The following PARP2 variants were observed in gnomAD, a reference collection of about 807,000 sequenced individuals.
PARP2 encodes the protein poly [ADP-ribose] polymerase 2.
Under a neutral mutation model 77.8 loss-of-function variants are expected in PARP2, and 57 were observed. That is an observed-to-expected ratio of 0.73 (90% confidence interval 0.59 to 0.91). The LOEUF is 0.91. Ranked by LOEUF, PARP2 falls within the 40% of genes least tolerant of loss-of-function variation. The pLI, the probability that PARP2 is intolerant of heterozygous loss-of-function variation, is 0.00. For synonymous variants in PARP2, 226 were observed against 242.6 expected (o/e 0.93, Z 0.64); for missense variants, 651 against 689.0 (o/e 0.94, Z 0.62).
chr14:20,351,381 G>A (rs1157326384), intron 6 of PARP2, among the ~76,000 whole-genome samples: 1 of 152,046 alleles, frequency 6.6e-6, no homozygotes, highest in Admixed American at 6.5e-5. Context: ...GTTTCGCCAT[G>A]TTGGCCAGGC....
In PARP2 at chr14:20,355,738, A is replaced by C; in HGVS notation, c.903-14A>C. ...TGTCAGAAAGCTCATTATGGGTTATATCTCTGTTCTTAGACTCCGTACTCC... is the reference window on the plus strand; with the variant it reads ...TGTCAGAAAGCTCATTATGGGTTATCTCTCTGTTCTTAGACTCCGTACTCC... On this transcript the variant is annotated splice_polypyrimidine_tract_variant and intron_variant, in intron 9 of 15. Coordinates refer to ENST00000429687, the MANE Select transcript of PARP2 (RefSeq NM_001042618.2). The C allele has an allele frequency of 1.2e-6, 2 of 1,609,368 alleles. No homozygotes were observed. The highest frequency in any genetic ancestry group is 1.7e-6 in the Non-Finnish European group (2 of 1,175,740).
At chr14:20,347,063 T>G in intron 4 of PARP2, 150 bp downstream of exon 4, 1 of 557,902 alleles carries the variant, frequency 1.8e-6, no homozygotes, top group Admixed American at 3.0e-5. Flanking sequence ...GAGTCTCACT[T>G]CATCTCTCAG....
rs543293493 is a variant in PARP2, at chr14:20,357,161, G to GT, written c.1428+13dup. The stretch of plus-strand genomic sequence containing the variant: ...TGCTCTTATCAGAGGTGAGACAGGA[G>GT]TATGTCTGTGATCTCTAGTTTATTA... On this transcript the variant is annotated intron_variant, in intron 14 of 15. Coordinates refer to ENST00000429687, the MANE Select transcript of PARP2 (RefSeq NM_001042618.2). The GT allele has an allele frequency of 9.2e-6, 12 of 1,308,002 alleles. No individual in the cohort carries two copies. The highest frequency in any genetic ancestry group is 3.7e-4 in the Middle Eastern group (2 of 5,478). The allele number at this position is 1,308,002 out of a possible 1,614,324, so 81.0% of individuals were successfully genotyped here.
At position 20,350,534 on chromosome 14, in the gene PARP2, C is replaced by T; in HGVS notation, c.333C>T (p.Leu111=). 6.3e-7 allele frequency: 1 copy of T among 1,595,924 alleles called. No individual in the cohort carries two copies. The highest frequency in any genetic ancestry group is 1.3e-5 in the African/African-American group (1 of 74,702). Residue 111 remains leucine (L), a synonymous_variant, in exon 5 of 16, where the codon CTC becomes CTT. Transcript: ENST00000429687. The part of the protein sequence containing the change: ...VYDVMLNQTN[L]QFNNNKYYLI... ...GTTTTCACTCAACATAGACCAATCT[C>T]CAGTTCAACAACAACAAGTACTATC... is the stretch of plus-strand genomic sequence containing the variant.
chr14:20,356,744 C>A, intron 13 of PARP2, 55 bp downstream of exon 13: 1 of 1,337,696 alleles, frequency 7.5e-7, no homozygotes, highest in Non-Finnish European at 1.1e-6. Context: ...CAGTAATGTT[C>A]TCAGTGCTTT....
Position 20,345,033 on chromosome 14 carries a change from A to G in PARP2, c.148A>G (p.Met50Val), listed in dbSNP as rs527404505. 1.9e-4 allele frequency: 301 copies of G among 1,614,120 alleles called. 5 individuals are homozygous for G. In the South Asian group the frequency reaches 2.7e-3, roughly 15 times the overall value. ...ATGCCAGAGACAGGAGTCGAAAAAG[A>G]TGCCTGTGGCTGGAGGAAAAGCTAA... ...RRCQRQESKK[M>V]PVAGGKANKD... The change falls in exon 2 of 16, where the codon ATG becomes GTG. Residue 50 changes from methionine to valine, a missense_variant. Met to Val is a conservative substitution (Grantham distance 21). Coordinates refer to ENST00000429687, the MANE Select transcript of PARP2 (RefSeq NM_001042618.2).
Position 20,357,755 on chromosome 14 carries a change from G to T in PARP2, c.1671G>T (p.Arg557=). The part of the protein sequence containing the change: ...IVYNPNQVRM[R]YLLKVQFNFL... ...ATAACCCCAACCAGGTCCGTATGCG[G>T]TACCTTTTAAAGGTTCAGTTTAATT... Residue 557 remains arginine, a synonymous_variant, in exon 16 of 16, where the codon CGG becomes CGT. Transcript: ENST00000429687. 1 of 1,613,738 alleles carries T rather than the reference G, an allele frequency of 6.2e-7. No homozygotes were observed. The highest frequency in any genetic ancestry group is 2.2e-5 in the East Asian group (1 of 44,894).
chr14:20,356,257 C>G, intron 11 of PARP2, 50 bp from the exon 12 acceptor site: 1 of 1,600,074 alleles, frequency 6.2e-7, no homozygotes, highest in Non-Finnish European at 8.5e-7. Context: ...TTCAGTTCAG[C>G]TCAGTCTCTT....
In PARP2 at chr14:20,348,205, TTTC is replaced by T; in HGVS notation, c.324+1295_324+1297del. Among the ~76,000 whole-genome samples the T allele has an allele frequency of 2.0e-5, 3 of 152,242 alleles. No individual in the cohort carries two copies. The South Asian group carries it at 6.2e-4, about 32-fold the overall frequency. On this transcript the variant is annotated intron_variant, in intron 4 of 15. Coordinates refer to ENST00000429687, the MANE Select transcript of PARP2 (RefSeq NM_001042618.2). The stretch of plus-strand genomic sequence containing the variant: ...CACATTTTCTAAAGTTATTGGTCCT[TTTC>T]TTACTGGTTTCGAGGAACTTTATAT...
intron 3 of PARP2, chr14:20,346,551 C>T (rs1883727025): frequency 4.6e-6 from 1 of 218,194 alleles, no homozygotes. Context: ...CCAAGCTGGT[C>T]TCGAATGCCT....
intron 1 of PARP2, among the ~76,000 whole-genome samples, 188 bp from the exon 2 acceptor site, chr14:20,344,744 C>T (rs1402250637): frequency 2.6e-5 from 4 of 152,112 alleles, no homozygotes; most frequent in East Asian, 1.9e-4. Flanking sequence ...ACCCAGGAGG[C>T]GGAGGTTGCA....
rs1555315933 is a variant in PARP2, at chr14:20,343,649, C to CGCGGCGGCGACGGAGCACCG, written c.17_36dup (p.Arg13AspfsTer12). On this transcript the variant is annotated frameshift_variant, in exon 1 of 16. Coordinates refer to ENST00000429687, the MANE Select transcript of PARP2 (RefSeq NM_001042618.2). LOFTEE classifies it high-confidence loss of function. ...CGTCAGCGTTCGAATTCCATGGCGGCGCGGCGGCGACGGAGCACCGGCGGC... is the reference window on the plus strand; with the variant it reads ...CGTCAGCGTTCGAATTCCATGGCGGCGCGGCGGCGACGGAGCACCGGCGGCGGCGACGGAGCACCGGCGGC... 3 of 1,609,998 alleles carry CGCGGCGGCGACGGAGCACCG rather than the reference C, an allele frequency of 1.9e-6. No homozygotes were observed. The highest frequency in any genetic ancestry group is 2.5e-6 in the Non-Finnish European group (3 of 1,178,894).
chr14:20,346,934 G>A (rs746146145), intron 4 of PARP2, 21 bp downstream of exon 4: 2 of 1,524,374 alleles, frequency 1.3e-6, no homozygotes, highest in Non-Finnish European at 1.8e-6. Flanking sequence ...AGAAGAGGTG[G>A]CACCATTATA....
intron 9 of PARP2, 87 bp from the exon 10 acceptor site, chr14:20,355,665 G>C (rs1884117236): frequency 1.0e-6 from 1 of 962,398 alleles, no homozygotes; most frequent in African/African-American, 1.6e-5. Flanking sequence ...GTTTTCTAAA[G>C]GACCTATCTG....
At chr14:20,349,233 T>C (rs1883875047) in intron 4 of PARP2, among the ~76,000 whole-genome samples, 1 of 151,892 alleles carries the variant, frequency 6.6e-6, no homozygotes, top group Admixed American at 6.6e-5. Context: ...GGTGGGAGGA[T>C]TGCTTGAGCC....
At chr14:20,356,828 T>A in intron 13 of PARP2, 139 bp downstream of exon 13, 1 of 734,442 alleles carries the variant, frequency 1.4e-6, no homozygotes, top group Non-Finnish European at 2.4e-6. Context: ...TGTCATCTCT[T>A]ACTGTGTCCC....
At chr14:20,349,528 T>C (rs1490057168) in intron 4 of PARP2, among the ~76,000 whole-genome samples, 2 of 151,288 alleles carry the variant, frequency 1.3e-5, no homozygotes. Context: ...AAAAAATTAG[T>C]CTGGCATGGT....
Position 20,347,026 on chromosome 14 carries a change from T to A in PARP2, c.324+113T>A, listed in dbSNP as rs535360192. 2.3e-3 allele frequency: 1,476 copies of A among 629,480 alleles called. 5 individuals are homozygous for A. The highest frequency in any genetic ancestry group is 0.011 in the Middle Eastern group (28 of 2,606). The allele number at this position is 629,480 out of a possible 1,614,324, so 39.0% of individuals were successfully genotyped here. A position where few individuals can be genotyped will look rare whatever the true frequency, so the allele number is the denominator to read the frequency against. ...TTAAAGTCCCTTTTTTTTTTTTTTT[T>A]AAATTTTGTTTTTTCTTTTTGAAAT... is the stretch of plus-strand genomic sequence containing the variant. On this transcript the variant is annotated intron_variant, in intron 4 of 15. Transcript: ENST00000429687.
rs45610341 is a variant in PARP2 at position 20,356,975 on chromosome 14, C to T, written c.1330-76C>T. The T allele has an allele frequency of 1.1e-3, 1,049 of 921,600 alleles. 1 individual carries two copies. Among genetic ancestry groups the T allele is most frequent in the Non-Finnish European group, 1.6e-3 (906 of 549,636 alleles). The allele number at this position is 921,600 out of a possible 1,614,324, so 57.1% of individuals were successfully genotyped here. The stretch of plus-strand genomic sequence containing the variant: ...TATTGTGTTTAAGGGAATGGAAAAA[C>T]AGGGTCAGTGGTATGCACCTTCTCT... On this transcript the variant is annotated intron_variant, in intron 13 of 15. Transcript: ENST00000429687.
Sources: allele counts gnomAD v4.1 joint callset (sites outside exome capture counted in the v4.1 genomes callset), GRCh38; gene constraint gnomAD v4.1.1; transcripts MANE v1.5; gene names NCBI Gene and HGNC (gene_info 2026-07-23, HGNC 2026-07-21).